The following RALGAPA1 variants were observed in gnomAD, a reference collection of about 807,000 sequenced individuals.
RALGAPA1 encodes the protein Ral GTPase activating protein catalytic subunit alpha 1.
A neutral mutation model predicts 269.6 loss-of-function variants in RALGAPA1; 52 were observed. The ratio of observed to expected loss-of-function variants is 0.19; its 90% CI spans 0.15 to 0.24. The LOEUF is 0.24. RALGAPA1 is among the 10% of genes least tolerant of loss of function. RALGAPA1 has a pLI of 1.00. For synonymous variants in RALGAPA1, 817 were observed against 1,008.3 expected (o/e 0.81, Z 3.60); for missense variants, 1,917 against 3,013.9 (o/e 0.64, Z 8.52).
At chr14:35,756,155 A>T (rs1165612889) in intron 7 of RALGAPA1, among the ~76,000 whole-genome samples, 3 of 152,226 alleles carry the variant, frequency 2.0e-5, no homozygotes, top group African/African-American at 7.2e-5. Context: ...AAAGGATTAG[A>T]AAATAAGCAC....
At chr14:35,742,735 G>C (rs1304226533) in intron 10 of RALGAPA1, among the ~76,000 whole-genome samples, 170 bp from the exon 11 acceptor site, 1 of 141,644 alleles carries the variant, frequency 7.1e-6, no homozygotes, top group East Asian at 2.0e-4. Flanking sequence ...ATATAAATAA[G>C]AGTTAAGTTC....
At chr14:35,783,515 A>C (rs1028399306) in intron 1 of RALGAPA1, among the ~76,000 whole-genome samples, 1 of 152,216 alleles carries the variant, frequency 6.6e-6, no homozygotes, top group Non-Finnish European at 1.5e-5. Context: ...GAATCAGTCA[A>C]TTCTTTCTTA....
At chr14:35,772,236 T>A (rs1332956327) in intron 3 of RALGAPA1, among the ~76,000 whole-genome samples, 1 of 152,012 alleles carries the variant, frequency 6.6e-6, no homozygotes, top group Non-Finnish European at 1.5e-5. Context: ...TTACTATTTT[T>A]GTGGAGATGG....
rs535210774 is a variant in RALGAPA1 at position 35,773,084 on chromosome 14, G to A, written c.267+1922C>T. ...AAAGAGATAAACTTATAGAAAAGTT[G>A]AAAAGACAAATTTGTAAACTATTCA... On this transcript the variant is annotated intron_variant, in intron 3 of 41. Transcript: ENST00000680220. 2.0e-5 allele frequency among the ~76,000 whole-genome samples: 3 copies of A among 152,100 alleles called. No individual in the cohort carries two copies. In the East Asian group the frequency reaches 5.8e-4, roughly 29 times the overall value.
At position 35,692,955 on chromosome 14, in the gene RALGAPA1, C is replaced by T. The variant is rs574668349; in HGVS notation, c.2408-2952G>A. Among the ~76,000 whole-genome samples, 6 of 152,010 alleles carry T rather than the reference C, an allele frequency of 3.9e-5. No individual in the cohort carries two copies. The East Asian group carries it at 1.2e-3, about 29-fold the overall frequency. Reference sequence around the variant, plus strand: ...GCATCTGACATATCATTCATTTAATCCTCACAACAACCCCATGAAGTAGGT... The same window carrying T: ...GCATCTGACATATCATTCATTTAATTCTCACAACAACCCCATGAAGTAGGT... On this transcript the variant is annotated intron_variant, in intron 17 of 41. Transcript: ENST00000680220.
Position 35,587,559 on chromosome 14 carries a change from G to T in RALGAPA1, c.7209+8075C>A, listed in dbSNP as rs8008355. Among the ~76,000 whole-genome samples, 1,062 of 152,280 alleles carry T rather than the reference G, an allele frequency of 7.0e-3. 15 individuals carry two copies. The highest frequency in any genetic ancestry group is 0.024 in the African/African-American group (1,009 of 41,552). On this transcript the variant is annotated intron_variant, in intron 37 of 41. Coordinates refer to ENST00000680220, the MANE Select transcript of RALGAPA1 (RefSeq NM_001346249.2). ...CAGCCATAAAAAAGGATGAGTTCAT[G>T]TCCTTTGCAGGGACATGGATGAAGC...
intron 16 of RALGAPA1, among the ~76,000 whole-genome samples, chr14:35,708,666 C>A (rs974578688): frequency 3.3e-5 from 5 of 152,138 alleles, no homozygotes; most frequent in Non-Finnish European, 5.9e-5. Flanking sequence ...TAAGTTAGTA[C>A]AACCACTATG....
At chr14:35,639,151 C>T (rs1431664321) in intron 31 of RALGAPA1, among the ~76,000 whole-genome samples, 2 of 152,098 alleles carry the variant, frequency 1.3e-5, no homozygotes, top group Non-Finnish European at 2.9e-5. Flanking sequence ...AGTAGTTACA[C>T]TTGCATCAGA....
At chr14:35,805,254 T>C (rs1364496672) in intron 1 of RALGAPA1, among the ~76,000 whole-genome samples, 1 of 146,948 alleles carries the variant, frequency 6.8e-6, no homozygotes, top group Non-Finnish European at 1.5e-5. Context: ...TGAAACCCTG[T>C]CTCTACTAAA....
At chr14:35,619,647 T>TA (rs1340620703) in intron 35 of RALGAPA1, among the ~76,000 whole-genome samples, 3 of 151,868 alleles carry the variant, frequency 2.0e-5, no homozygotes, top group Non-Finnish European at 2.9e-5. Context: ...ATAGACACAA[T>TA]AAAAAATGAC....
intron 39 of RALGAPA1, among the ~76,000 whole-genome samples, chr14:35,561,183 C>A (rs934275168): frequency 7.3e-6 from 1 of 137,062 alleles, no homozygotes; most frequent in Middle Eastern, 3.9e-3. Context: ...GCCGAGATGG[C>A]GCCACTGCAC....
chr14:35,664,519 T>G, intron 27 of RALGAPA1, 123 bp downstream of exon 27: 2 of 766,476 alleles, frequency 2.6e-6, no homozygotes, highest in African/African-American at 1.8e-5. Flanking sequence ...CTGGAGGATA[T>G]GGCTAATGTT....
intron 17 of RALGAPA1, among the ~76,000 whole-genome samples, chr14:35,697,150 C>T (rs534287284): frequency 1.9e-4 from 29 of 152,290 alleles, no homozygotes; most frequent in African/African-American, 7.0e-4. Flanking sequence ...CCAAGAATCG[C>T]AGAGGCAAAG....
At chr14:35,667,129 C>T (rs1156981906) in intron 26 of RALGAPA1, among the ~76,000 whole-genome samples, 2 of 152,116 alleles carry the variant, frequency 1.3e-5, no homozygotes, top group Non-Finnish European at 2.9e-5. Context: ...TGGCCAGGCG[C>T]GGTGGCTCAT....
chr14:35,651,424 G>A (rs1031075482), intron 31 of RALGAPA1, among the ~76,000 whole-genome samples: 2 of 152,082 alleles, frequency 1.3e-5, no homozygotes, highest in South Asian at 2.1e-4. Context: ...TTTAAATGAC[G>A]TATCTCTATA....
chr14:35,782,712 C>T (rs2075530937), intron 1 of RALGAPA1, among the ~76,000 whole-genome samples: 1 of 152,112 alleles, frequency 6.6e-6, no homozygotes. Flanking sequence ...ACATGAGCCA[C>T]CACACCCAGC....
At position 35,627,938 on chromosome 14, in the gene RALGAPA1, C is replaced by A. The variant is rs768346661; in HGVS notation, c.6009G>T (p.Met2003Ile). The stretch of plus-strand genomic sequence containing the variant: ...CTGCTATAGAGATTAATCCATGCTG[C>A]ATTTGAGTTTTCACTGGAAATAAAA... ...LQPVTEVKTQ[M>I]QHGLISIAAR... Residue 2003 changes from methionine (M) to isoleucine (I), a missense_variant, in exon 34 of 42, where the codon ATG becomes ATT. This residue lies in a region of RALGAPA1 where 346 missense variants were observed against 566.1 expected (regional missense o/e 0.61). Transcript: ENST00000680220. The A allele has an allele frequency of 8.4e-6, 13 of 1,542,026 alleles. No individual in the cohort carries two copies. The highest frequency in any genetic ancestry group is 3.8e-5 in the South Asian group (3 of 79,718).
intron 32 of RALGAPA1, 34 bp downstream of exon 32, chr14:35,635,430 G>A (rs2061606695): frequency 6.5e-7 from 1 of 1,544,134 alleles, no homozygotes; most frequent in Admixed American, 2.1e-5. Flanking sequence ...AAAACTCTTG[G>A]TTACCAAATA....
At chr14:35,719,793 TCC>T (rs2069208127) in intron 16 of RALGAPA1, among the ~76,000 whole-genome samples, 1 of 151,962 alleles carries the variant, frequency 6.6e-6, no homozygotes, top group Non-Finnish European at 1.5e-5. Context: ...CCTCTGTCGC[TCC>T]CTCTGTCGCT....
Sources: gnomAD v4.1 joint callset for allele counts (sites outside exome capture counted in the v4.1 genomes callset) on GRCh38, gnomAD v4.1.1 for gene constraint, gnomAD v4.1.1 regional missense constraint, MANE v1.5 for transcripts, NCBI Gene and HGNC (gene_info 2026-07-23, HGNC 2026-07-21) for gene names.